Variants in ADAMTS7 observed in about 807,000 individuals in gnomAD.
ADAMTS7 encodes ADAM metallopeptidase with thrombospondin type 1 motif 7.
ADAMTS7 carries 89 observed loss-of-function variants against 172.6 expected under a neutral mutation model. The observed-to-expected ratio is 0.52, with a 90% confidence interval of 0.43 to 0.61. The LOEUF is 0.61. ADAMTS7 is among the 20% of genes least tolerant of loss of function. The pLI, the probability that ADAMTS7 is intolerant of heterozygous loss-of-function variation, is 0.00. For missense variants in ADAMTS7, 1,973 were observed against 2,355.6 expected (o/e 0.84, Z 3.36); for synonymous variants, 885 against 978.4 (o/e 0.90, Z 1.78).
At chr15:78,776,956 C>A in intron 9 of ADAMTS7, 115 bp from the exon 10 acceptor site, 2 of 791,328 alleles carry the variant, frequency 2.5e-6, no homozygotes, top group East Asian at 5.4e-5. Context: ...TGGCAGGGGC[C>A]CACAGACCCC....
chr15:78,784,455 G>T (rs1445432985), intron 8 of ADAMTS7, among the ~76,000 whole-genome samples: 3 of 151,802 alleles, frequency 2.0e-5, no homozygotes, highest in African/African-American at 7.3e-5. Flanking sequence ...AAATAAAATA[G>T]AAAGAGATGA....
chr15:78,760,866 G>A (rs1337329546), intron 23 of ADAMTS7, among the ~76,000 whole-genome samples: 1 of 151,720 alleles, frequency 6.6e-6, no homozygotes, highest in Admixed American at 6.6e-5. Flanking sequence ...ACTCACACCC[G>A]CCCCTGGGAG....
intron 8 of ADAMTS7, among the ~76,000 whole-genome samples, chr15:78,779,517 C>G (rs571283112): frequency 2.6e-4 from 40 of 152,308 alleles, no homozygotes; most frequent in Admixed American, 2.0e-3. Flanking sequence ...CTTCACCCCA[C>G]ATACAAGTTC....
chr15:78,795,054 G>T (rs1447925220), intron 4 of ADAMTS7, among the ~76,000 whole-genome samples: 1 of 152,190 alleles, frequency 6.6e-6, no homozygotes, highest in Admixed American at 6.5e-5. Flanking sequence ...GGAGCATAGG[G>T]GACACTCAGA....
At chr15:78,783,877 C>T (rs1327444821) in intron 8 of ADAMTS7, among the ~76,000 whole-genome samples, 1 of 149,264 alleles carries the variant, frequency 6.7e-6, no homozygotes, top group African/African-American at 2.5e-5. Flanking sequence ...TTCTGAACTG[C>T]TAAGTATAAT....
At chr15:78,765,496 G>A (rs1282656365) in intron 19 of ADAMTS7, 149 bp downstream of exon 19, 4 of 1,318,062 alleles carry the variant, frequency 3.0e-6, no homozygotes, top group East Asian at 2.4e-5. Context: ...TGGGGCCCGG[G>A]GTCCCCTCAT....
intron 8 of ADAMTS7, among the ~76,000 whole-genome samples, chr15:78,781,499 G>T (rs922620026): frequency 6.6e-6 from 1 of 152,106 alleles, no homozygotes; most frequent in Non-Finnish European, 1.5e-5. Flanking sequence ...GGTTCTCCCC[G>T]GTGCCAAGGC....
chr15:78,783,935 T>C (rs945258203), intron 8 of ADAMTS7, among the ~76,000 whole-genome samples: 36 of 152,196 alleles, frequency 2.4e-4, no homozygotes, highest in South Asian at 8.3e-4. Context: ...AAAACACTTC[T>C]GGTCCTAAGT....
At chr15:78,768,847 G>A (rs2055202189) in intron 16 of ADAMTS7, among the ~76,000 whole-genome samples, 1 of 137,760 alleles carries the variant, frequency 7.3e-6, no homozygotes. Flanking sequence ...CCAGGCTGGG[G>A]TGAGGGGTGA....
chr15:78,792,747 G>A (rs1325085232), intron 4 of ADAMTS7, among the ~76,000 whole-genome samples: 1 of 152,196 alleles, frequency 6.6e-6, no homozygotes, highest in Non-Finnish European at 1.5e-5. Flanking sequence ...CGGGAAGGCA[G>A]AGGCTGCAGT....
At chr15:78,805,718 TACTA>T (rs1372640620) in intron 1 of ADAMTS7, among the ~76,000 whole-genome samples, 2 of 152,162 alleles carry the variant, frequency 1.3e-5, no homozygotes, top group Non-Finnish European at 2.9e-5. Flanking sequence ...GACCCTTGGC[TACTA>T]ACTGTGAGGG....
chr15:78,787,618 C>T (rs1208516285), intron 8 of ADAMTS7, among the ~76,000 whole-genome samples: 4 of 152,096 alleles, frequency 2.6e-5, no homozygotes, highest in Non-Finnish European at 5.9e-5. Context: ...GAGTCAAGAT[C>T]GTGCCATTGC....
At chr15:78,786,047 A>G (rs2055497466) in intron 8 of ADAMTS7, among the ~76,000 whole-genome samples, 1 of 144,142 alleles carries the variant, frequency 6.9e-6, no homozygotes. Context: ...CTCCTGCCTC[A>G]GCTTCCCAAG....
Position 78,766,116 on chromosome 15 carries a change from T to C in ADAMTS7, c.3795A>G (p.Thr1265=), listed in dbSNP as rs1222677317. 12 of 1,611,162 alleles carry C rather than the reference T, an allele frequency of 7.4e-6. No homozygotes were observed. Among genetic ancestry groups the C allele is most frequent in the Admixed American group, 3.3e-5 (2 of 59,780 alleles). ...CCTCCAGAGCTGGCTCCCAGGCCAC[T>C]GTGCCTCCTGTCCACAGCTCCGCCA... ...PDVAELWTGG[T]VAWEPALEGG... The change falls in exon 19 of 24, where the codon ACA becomes ACG. Residue 1265 remains threonine, a synonymous_variant. Transcript: ENST00000388820.
chr15:78,763,848 G>A lies in ADAMTS7; in HGVS notation c.4594-3C>T, dbSNP rs1255820027. 18 of 1,581,566 alleles carry A rather than the reference G, an allele frequency of 1.1e-5. No homozygotes were observed. The highest frequency in any genetic ancestry group is 1.5e-5 in the Non-Finnish European group (18 of 1,167,796). Reference sequence around the variant, plus strand: ...CCACCGCCACAGGCCTCGGAGCACTGGGTGGGCAGGGAAGGAGTCAGGGCA... The same window carrying A: ...CCACCGCCACAGGCCTCGGAGCACTAGGTGGGCAGGGAAGGAGTCAGGGCA... On this transcript the variant is annotated splice_polypyrimidine_tract_variant and splice_region_variant and intron_variant, in intron 21 of 23. Transcript: ENST00000388820.
intron 18 of ADAMTS7, 134 bp downstream of exon 18, chr15:78,767,245 T>G: frequency 8.0e-7 from 1 of 1,252,838 alleles, no homozygotes; most frequent in Non-Finnish European, 1.1e-6. Flanking sequence ...CCTGAGGCTT[T>G]AGAGTCAGGG....
At chr15:78,760,498 G>A (rs955419494) in intron 23 of ADAMTS7, among the ~76,000 whole-genome samples, 1 of 152,082 alleles carries the variant, frequency 6.6e-6, no homozygotes, top group African/African-American at 2.4e-5. Context: ...CCCAGCTCCA[G>A]GCAGAGCTCC....
Position 78,759,706 on chromosome 15 carries a change from G to T in ADAMTS7, c.4904-128C>A, listed in dbSNP as rs556538521. The stretch of plus-strand genomic sequence containing the variant: ...CAAGCAGAGAGCCCCAGTTTCTGGA[G>T]CGGCTCCCGAACCGGAGTTGCAGGT... On this transcript the variant is annotated intron_variant, in intron 23 of 23. Transcript: ENST00000388820. 5 of 1,236,668 alleles carry T rather than the reference G, an allele frequency of 4.0e-6. No homozygotes were observed. In the African/African-American group the frequency reaches 7.8e-5, roughly 19 times the overall value. The allele number at this position is 1,236,668 out of a possible 1,614,324, so 76.6% of individuals were successfully genotyped here. A position where few individuals can be genotyped will look rare whatever the true frequency, so the allele number is the denominator to read the frequency against.
chr15:78,782,550 G>A (rs1023429083), intron 8 of ADAMTS7, among the ~76,000 whole-genome samples: 13 of 151,916 alleles, frequency 8.6e-5, no homozygotes, highest in South Asian at 2.1e-4. Flanking sequence ...ACTCCACTAT[G>A]ATGACAGTAG....
Sources: allele counts gnomAD v4.1 joint callset (sites outside exome capture counted in the v4.1 genomes callset), GRCh38; gene constraint gnomAD v4.1.1; transcripts MANE v1.5; gene names NCBI Gene and HGNC (gene_info 2026-07-23, HGNC 2026-07-21).